The following KALRN variants were observed in gnomAD, a reference collection of about 807,000 sequenced individuals.
KALRN encodes kalirin.
KALRN carries 70 observed loss-of-function variants against 353.7 expected under a neutral mutation model. The observed-to-expected ratio is 0.20, with a 90% CI of 0.16 to 0.24. The LOEUF (loss-of-function observed/expected upper bound fraction) is 0.24. Ranked by LOEUF, KALRN falls within the 10% of genes least tolerant of loss-of-function variation. The probability of loss-of-function intolerance (pLI) is 1.00; values close to 1 mark genes in which losing one functional copy is unlikely to be tolerated. For synonymous variants in KALRN, 1,391 were observed against 1,434.8 expected (o/e 0.97, Z 0.69); for missense variants, 2,791 against 3,756.7 (o/e 0.74, Z 6.72).
At chr3:124,047,669 A>T (rs6438824) in intron 1 of KALRN, among the ~76,000 whole-genome samples, 110,328 of 138,184 alleles carry the variant, frequency 0.8, 42,521 homozygotes, top group Non-Finnish European at 0.86. Context: ...ATTTTTTTTT[A>T]TTTTTTTTTA....
intron 33 of KALRN, among the ~76,000 whole-genome samples, chr3:124,509,388 T>C (rs1462345117): frequency 6.6e-6 from 1 of 152,182 alleles, no homozygotes; most frequent in Non-Finnish European, 1.5e-5. Flanking sequence ...TTTGTATTTT[T>C]AGTAGAGACG....
intron 51 of KALRN, among the ~76,000 whole-genome samples, chr3:124,687,696 C>G (rs2061627650): frequency 7.9e-6 from 1 of 126,290 alleles, no homozygotes; most frequent in Non-Finnish European, 1.9e-5. Flanking sequence ...ACCATGTGTG[C>G]TACTTACAAA....
intron 34 of KALRN, among the ~76,000 whole-genome samples, chr3:124,611,584 A>G (rs1488342763): frequency 6.6e-6 from 1 of 152,232 alleles, no homozygotes; most frequent in Non-Finnish European, 1.5e-5. Flanking sequence ...CTGGCTATAT[A>G]ACATAGAGTG....
At chr3:124,602,075 C>T (rs1457914508) in intron 34 of KALRN, among the ~76,000 whole-genome samples, 1 of 151,328 alleles carries the variant, frequency 6.6e-6, no homozygotes, top group East Asian at 1.9e-4. Flanking sequence ...TTGGCAGCAA[C>T]CCATCAGAGC....
intron 34 of KALRN, chr3:124,584,741 C>T: frequency 1.3e-6 from 2 of 1,522,378 alleles, no homozygotes; most frequent in Non-Finnish European, 1.8e-6. Flanking sequence ...CGGGCGGCGG[C>T]GCTGAAGTTT....
At chr3:124,428,630 T>G (rs2093137048) in intron 15 of KALRN, among the ~76,000 whole-genome samples, 1 of 152,200 alleles carries the variant, frequency 6.6e-6, no homozygotes, top group African/African-American at 2.4e-5. Context: ...CTACCATGCA[T>G]TTTTAGCTTC....
chr3:124,645,132 T>G (rs79828729), intron 37 of KALRN, among the ~76,000 whole-genome samples: 17,168 of 152,218 alleles, frequency 0.11, 1,051 homozygotes, highest in African/African-American at 0.13. Context: ...CTTCTTTTGA[T>G]AAGTGTCTGT....
At chr3:124,192,809 C>T (rs2075068661) in intron 1 of KALRN, among the ~76,000 whole-genome samples, 1 of 152,206 alleles carries the variant, frequency 6.6e-6, no homozygotes, top group African/African-American at 2.4e-5. Flanking sequence ...AACCTGCTGA[C>T]ACCTTTTAAT....
chr3:124,394,854 C>T (rs2089959783), intron 11 of KALRN, among the ~76,000 whole-genome samples: 1 of 152,124 alleles, frequency 6.6e-6, no homozygotes, highest in Non-Finnish European at 1.5e-5. Context: ...TGACTGATCT[C>T]CTTGCTCTAA....
chr3:124,390,561 A>G (rs186711481), intron 11 of KALRN, among the ~76,000 whole-genome samples: 85 of 152,292 alleles, frequency 5.6e-4, no homozygotes, highest in African/African-American at 1.9e-3. Flanking sequence ...TACTTGCTGT[A>G]CTGTTGTACT....
intron 15 of KALRN, 131 bp downstream of exon 15, chr3:124,423,109 AG>A (rs2092855940): frequency 2.8e-6 from 2 of 725,850 alleles, no homozygotes; most frequent in African/African-American, 3.6e-5. Context: ...CTTCGAAAAT[AG>A]GTAAGTTAAG....
chr3:124,214,689 A>C (rs1295916725), intron 1 of KALRN, among the ~76,000 whole-genome samples: 1 of 152,184 alleles, frequency 6.6e-6, no homozygotes, highest in Non-Finnish European at 1.5e-5. Flanking sequence ...TTTATTCTAC[A>C]TGTAGCAAGC....
chr3:124,260,852 T>G (rs1038518549), intron 3 of KALRN, among the ~76,000 whole-genome samples: 1 of 152,074 alleles, frequency 6.6e-6, no homozygotes, highest in African/African-American at 2.4e-5. Context: ...TCTCTGACTT[T>G]GTGGTTTTTC....
intron 1 of KALRN, among the ~76,000 whole-genome samples, chr3:124,204,557 G>C (rs896220577): frequency 5.3e-5 from 8 of 150,970 alleles, no homozygotes; most frequent in African/African-American, 1.7e-4. Flanking sequence ...ATCTAATTAA[G>C]ATGCACTTTG....
At position 124,326,103 on chromosome 3, in the gene KALRN, G is replaced by A. The variant is rs1287577678; in HGVS notation, c.1216G>A (p.Ala406Thr). Residue 406 changes from alanine to threonine, a missense_variant, in exon 7 of 60, where the codon GCT becomes ACT. Ala to Thr is a moderately conservative substitution (Grantham distance 58). Coordinates refer to ENST00000682506, the MANE Select transcript of KALRN (RefSeq NM_001388419.1). The stretch of plus-strand genomic sequence containing the variant: ...GCTGGACCAGGAGTGGAAGAGCTTC[G>A]CTGCTGCCCTGGATGAACGCAGCAC... ...TQLDQEWKSFAAALDERSTIL... is the reference protein window; with the variant it reads ...TQLDQEWKSFTAALDERSTIL... 1.2e-6 allele frequency: 2 copies of A among 1,613,828 alleles called. No individual in the cohort carries two copies. Among genetic ancestry groups the A allele is most frequent in the East Asian group, 4.5e-5 (2 of 44,866 alleles).
intron 1 of KALRN, among the ~76,000 whole-genome samples, chr3:124,206,256 T>C (rs2076401360): frequency 6.6e-6 from 1 of 152,174 alleles, no homozygotes; most frequent in South Asian, 2.1e-4. Context: ...TCATAGGGCC[T>C]CAGAGTCCTC....
intron 1 of KALRN, among the ~76,000 whole-genome samples, chr3:124,193,531 T>C (rs761253589): frequency 1.3e-5 from 2 of 151,966 alleles, no homozygotes; most frequent in Admixed American, 6.6e-5. Context: ...CCTAATTTAA[T>C]GAACCACTTA....
intron 37 of KALRN, among the ~76,000 whole-genome samples, chr3:124,648,732 A>T (rs1431063130): frequency 6.6e-6 from 1 of 152,192 alleles, no homozygotes. Context: ...AGGAAGTAAA[A>T]GGCATGTAAT....
chr3:124,317,031 G>C (rs781064696), intron 6 of KALRN, among the ~76,000 whole-genome samples: 9 of 152,176 alleles, frequency 5.9e-5, no homozygotes, highest in Non-Finnish European at 8.8e-5. Flanking sequence ...AGGCAGGAGG[G>C]GGCAAGAGAA....
Sources: allele counts gnomAD v4.1 joint callset (sites outside exome capture counted in the v4.1 genomes callset), GRCh38; gene constraint gnomAD v4.1.1; transcripts MANE v1.5; gene names NCBI Gene and HGNC (gene_info 2026-07-23, HGNC 2026-07-21).